The following ADAM2 variants were observed in gnomAD, a reference collection of about 807,000 sequenced individuals.
ADAM2 encodes the protein ADAM metallopeptidase domain 2, also known as disintegrin and metalloproteinase domain-containing protein 2.
In ADAM2, 101 loss-of-function variants were observed where a neutral mutation model predicts 99.3. The observed-to-expected ratio is 1.02, with a 90% CI of 0.87 to 1.20. ADAM2 has a LOEUF of 1.20. ADAM2 is among the 50% of genes most tolerant of loss of function. The pLI, the probability that ADAM2 is intolerant of heterozygous loss-of-function variation, is 0.00. For synonymous variants in ADAM2, 323 were observed against 287.6 expected (o/e 1.12, Z -1.25); for missense variants, 948 against 878.7 (o/e 1.08, Z -1.00).
At chr8:39,802,842 C>G (rs980020917) in intron 7 of ADAM2, among the ~76,000 whole-genome samples, 5 of 152,280 alleles carry the variant, frequency 3.3e-5, no homozygotes, top group Admixed American at 2.0e-4. Context: ...ATCGTTTGTT[C>G]TAGCCATCAA....
At chr8:39,758,224 G>A (rs1293708116) in intron 15 of ADAM2, among the ~76,000 whole-genome samples, 1 of 151,738 alleles carries the variant, frequency 6.6e-6, no homozygotes, top group Non-Finnish European at 1.5e-5. Flanking sequence ...GGCTTGAGAG[G>A]TAATGAGAAG....
Position 39,754,019 on chromosome 8 carries a change from C to T in ADAM2, c.1797+1709G>A, listed in dbSNP as rs943568102. On this transcript the variant is annotated intron_variant, in intron 16 of 20. Transcript: ENST00000265708. ...TATAAAGCTTATGATCATCCCAGGT[C>T]CTTTCTGAGCATGCATCTTTCCTAA... Among the ~76,000 whole-genome samples, 23 of 152,264 alleles carry T rather than the reference C, an allele frequency of 1.5e-4. 1 individual carries two copies. The highest frequency in any genetic ancestry group is 1.2e-3 in the Admixed American group (19 of 15,298).
intron 10 of ADAM2, among the ~76,000 whole-genome samples, chr8:39,777,979 A>T (rs1803065200): frequency 6.7e-6 from 1 of 149,000 alleles, no homozygotes; most frequent in African/African-American, 2.4e-5. Context: ...CAGTTGTTTC[A>T]ATTTTATTGG....
intron 7 of ADAM2, among the ~76,000 whole-genome samples, chr8:39,808,903 G>A (rs10096111): frequency 0.1 from 15,324 of 152,026 alleles, 835 homozygotes; most frequent in African/African-American, 0.13. Flanking sequence ...GGGACAGAGT[G>A]AGACTCCATC....
chr8:39,770,755 C>T (rs1802749422), intron 11 of ADAM2, among the ~76,000 whole-genome samples: 1 of 152,154 alleles, frequency 6.6e-6, no homozygotes, highest in African/African-American at 2.4e-5. Context: ...ATTCCAACTG[C>T]CTAGTTGCTC....
chr8:39,782,703 T>TG (rs1368931323), intron 10 of ADAM2, among the ~76,000 whole-genome samples: 1 of 152,162 alleles, frequency 6.6e-6, no homozygotes, highest in Non-Finnish European at 1.5e-5. Context: ...ATATGATCTG[T>TG]GGTGATCATG....
chr8:39,779,930 G>C (rs943934868), intron 10 of ADAM2, among the ~76,000 whole-genome samples: 1 of 151,688 alleles, frequency 6.6e-6, no homozygotes, highest in African/African-American at 2.4e-5. Flanking sequence ...GTTATGTTTT[G>C]TTCAACTCAT....
At chr8:39,787,870 G>A (rs185369001) in intron 9 of ADAM2, among the ~76,000 whole-genome samples, 106 of 151,616 alleles carry the variant, frequency 7.0e-4, no homozygotes, top group African/African-American at 2.5e-3. Context: ...GAAGTAATAT[G>A]GGAACAAGAT....
chr8:39,821,225 A>G, intron 5 of ADAM2, 55 bp from the exon 6 acceptor site: 1 of 1,187,386 alleles, frequency 8.4e-7, no homozygotes, highest in Non-Finnish European at 1.2e-6. Context: ...GGAAAAGCCA[A>G]TAAAATGCCA....
chr8:39,773,208 A>G (rs1203933920), intron 11 of ADAM2, among the ~76,000 whole-genome samples: 1 of 151,874 alleles, frequency 6.6e-6, no homozygotes, highest in East Asian at 1.9e-4. Flanking sequence ...AGAAGAAATC[A>G]CAAAAAATTG....
At chr8:39,807,221 G>A (rs1474773560) in intron 7 of ADAM2, among the ~76,000 whole-genome samples, 3 of 152,284 alleles carry the variant, frequency 2.0e-5, no homozygotes, top group Non-Finnish European at 2.9e-5. Flanking sequence ...GGAAACCATG[G>A]CCCTTTGCTT....
chr8:39,825,231 C>T (rs1025588031), intron 3 of ADAM2, among the ~76,000 whole-genome samples: 1 of 152,178 alleles, frequency 6.6e-6, no homozygotes. Flanking sequence ...ACATCAACTT[C>T]CCACTGAGGT....
chr8:39,789,083 C>A (rs1037871047), intron 7 of ADAM2, among the ~76,000 whole-genome samples: 2 of 151,442 alleles, frequency 1.3e-5, no homozygotes, highest in Non-Finnish European at 3.0e-5. Context: ...AGACATAGTA[C>A]ATTTTTGAAG....
intron 10 of ADAM2, among the ~76,000 whole-genome samples, chr8:39,786,482 A>G (rs2129585240): frequency 1.3e-5 from 2 of 152,242 alleles, no homozygotes; most frequent in Middle Eastern, 6.8e-3. Flanking sequence ...GCAAAAATAT[A>G]TCAGTTTTGA....
intron 7 of ADAM2, among the ~76,000 whole-genome samples, chr8:39,806,083 C>T (rs1437943929): frequency 1.3e-5 from 2 of 152,048 alleles, no homozygotes; most frequent in Non-Finnish European, 1.5e-5. Flanking sequence ...GTAAAACTTG[C>T]CTGAGTGAAA....
chr8:39,748,448 C>T (rs1020801516), intron 18 of ADAM2, among the ~76,000 whole-genome samples: 3 of 152,124 alleles, frequency 2.0e-5, no homozygotes, highest in Non-Finnish European at 2.9e-5. Flanking sequence ...TTTAAACTTA[C>T]TAATCTATTA....
At chr8:39,803,804 G>T (rs1043667834) in intron 7 of ADAM2, among the ~76,000 whole-genome samples, 6 of 152,320 alleles carry the variant, frequency 3.9e-5, no homozygotes, top group Admixed American at 2.6e-4. Flanking sequence ...ATAAGTGAAA[G>T]TAAAACATCG....
In ADAM2 at chr8:39,777,129, T is replaced by C; in HGVS notation, c.924A>G (p.Ala308=). ...HPRTISLESL[A]VILAQLLSLS... ...GGCTCAATAATTGAGCTAAAATAAC[T>C]GCAAGTGATTCCAGACTTATGGTTC... Residue 308 remains alanine, a synonymous_variant, in exon 11 of 21, where the codon GCA becomes GCG. Coordinates refer to ENST00000265708, the MANE Select transcript of ADAM2 (RefSeq NM_001464.5). 3.1e-6 allele frequency: 5 copies of C among 1,611,352 alleles called. No homozygotes were observed. Among genetic ancestry groups the C allele is most frequent in the Non-Finnish European group, 4.2e-6 (5 of 1,178,184 alleles).
At position 39,769,531 on chromosome 8, in the gene ADAM2, T is replaced by C. The variant is rs749851887; in HGVS notation, c.1073A>G (p.Asp358Gly). ...VKIFSNCSFE[D>G]FAHFISKQKS... ...CTGCTTTGAAATAAAATGTGCAAAG[T>C]CTTCGAAGCTGCAGTTACTAAAGAT... The change falls in exon 12 of 21, where the codon GAC becomes GGC. Residue 358 changes from aspartate (D) to glycine (G), a missense_variant. Physicochemically the swap from Asp to Gly is moderately conservative, Grantham distance 94. Transcript: ENST00000265708. The C allele has an allele frequency of 4.3e-6, 7 of 1,613,874 alleles. No individual in the cohort carries two copies. The highest frequency in any genetic ancestry group is 5.1e-6 in the Non-Finnish European group (6 of 1,179,820).
Sources: allele counts gnomAD v4.1 joint callset (sites outside exome capture counted in the v4.1 genomes callset), GRCh38; gene constraint gnomAD v4.1.1; transcripts MANE v1.5; gene names NCBI Gene and HGNC (gene_info 2026-07-23, HGNC 2026-07-21).